PITPNC1: variants seen among roughly 807,000 people sequenced by gnomAD.
PITPNC1 encodes the protein phosphatidylinositol transfer protein cytoplasmic 1.
In PITPNC1, 18 loss-of-function variants were observed where a neutral mutation model predicts 44.7. The observed-to-expected ratio is 0.40, with a 90% CI of 0.28 to 0.60. The LOEUF is 0.60. PITPNC1 is among the 20% of genes least tolerant of loss of function. PITPNC1 has a pLI of 0.39. For synonymous variants in PITPNC1, 141 were observed against 149.6 expected (o/e 0.94, Z 0.42); for missense variants, 290 against 418.4 (o/e 0.69, Z 2.68).
At chr17:67,659,175 T>C (rs1448169762) in intron 6 of PITPNC1, among the ~76,000 whole-genome samples, 1 of 152,198 alleles carries the variant, frequency 6.6e-6, no homozygotes, top group Admixed American at 6.5e-5. Context: ...TGTTTTATAA[T>C]ATGCTTGATG....
chr17:67,445,488 C>G (rs2039081338), intron 1 of PITPNC1, among the ~76,000 whole-genome samples: 1 of 152,000 alleles, frequency 6.6e-6, no homozygotes, highest in Non-Finnish European at 1.5e-5. Context: ...GGAGTAAAGG[C>G]CAGTGGTAAT....
chr17:67,457,867 A>G (rs972162031), intron 1 of PITPNC1: 2 of 152,112 alleles, frequency 1.3e-5, no homozygotes, highest in African/African-American at 4.8e-5. Context: ...CTTCTCCTTC[A>G]CTGGGGCAGC....
chr17:67,400,579 C>T (rs1442541113), intron 1 of PITPNC1, among the ~76,000 whole-genome samples: 1 of 152,046 alleles, frequency 6.6e-6, no homozygotes, highest in African/African-American at 2.4e-5. Context: ...CAAGTAGTGC[C>T]GTGCTGATTT....
At chr17:67,425,097 C>G (rs907043308) in intron 1 of PITPNC1, among the ~76,000 whole-genome samples, 3 of 151,936 alleles carry the variant, frequency 2.0e-5, no homozygotes, top group Non-Finnish European at 4.4e-5. Context: ...ATCCCAAAAC[C>G]TGTAAGAACT....
At position 67,508,187 on chromosome 17, in the gene PITPNC1, G is replaced by C. The variant is rs921549081; in HGVS notation, c.49-24615G>C. On this transcript the variant is annotated intron_variant, in intron 1 of 8. Transcript: ENST00000581322. The surrounding 1 kb of genome is among the most constrained non-coding windows in gnomAD (Gnocchi z 4.2). ...GGGCCCTGATCCAGACCCCAAGAGA[G>C]GGTTCTTGGATCTCAAGGAAGAAAG... Among the ~76,000 whole-genome samples the C allele has an allele frequency of 1.3e-5, 2 of 152,178 alleles. No individual in the cohort carries two copies. The highest frequency in any genetic ancestry group is 2.4e-5 in the African/African-American group (1 of 41,440).
At position 67,692,843 on chromosome 17, in the gene PITPNC1, C is replaced by G. The variant is rs770803677; in HGVS notation, c.954C>G (p.Pro318=). 23 of 1,613,312 alleles carry G rather than the reference C, an allele frequency of 1.4e-5. No individual in the cohort carries two copies. The highest frequency in any genetic ancestry group is 1.6e-4 in the Middle Eastern group (1 of 6,084). Residue 318 remains proline (P), a synonymous_variant, in exon 9 of 9, where the codon CCC becomes CCG. Transcript: ENST00000581322. ...AGAAAAAAGCCACCCTGAATTTACC[C>G]GGCATGCACTCTTCAGATAAGCCAT... The part of the protein sequence containing the change: ...DPEKKATLNL[P]GMHSSDKPCR...
intron 6 of PITPNC1, among the ~76,000 whole-genome samples, chr17:67,668,659 C>T (rs375236402): frequency 1.3e-5 from 2 of 152,024 alleles, no homozygotes; most frequent in South Asian, 4.2e-4. Flanking sequence ...GTCAGGAGAT[C>T]GAGACCATCC....
rs570425568 is a variant in PITPNC1 at position 67,417,419 on chromosome 17, C to T, written c.48+39217C>T. Among the ~76,000 whole-genome samples, 8 of 152,244 alleles carry T rather than the reference C, an allele frequency of 5.3e-5. No homozygotes were observed. The South Asian group carries it at 1.5e-3, about 28-fold the overall frequency. ...TGCTGAGATTACAGGTGTGAGCAGC[C>T]ACACCAGGTCCACATTCAGCACCCT... On this transcript the variant is annotated intron_variant, in intron 1 of 8. Coordinates refer to ENST00000581322, the MANE Select transcript of PITPNC1 (RefSeq NM_012417.4).
chr17:67,674,501 C>CAAA (rs66932178), intron 7 of PITPNC1, among the ~76,000 whole-genome samples: 1 of 111,612 alleles, frequency 9.0e-6, no homozygotes, highest in Non-Finnish European at 1.8e-5. Context: ...AAGACTGTCT[C>CAAA]AAAAAAAAAA....
rs567163720 is a variant in PITPNC1 at position 67,549,676 on chromosome 17, G to A, written c.198-2581G>A. ...TAAATTGCTATAGGAAATGAATTAC[G>A]GGGCGAGGAGGTACTTGGGCCCCGG... is the stretch of plus-strand genomic sequence containing the variant. On this transcript the variant is annotated intron_variant, in intron 2 of 8. Transcript: ENST00000581322. Among the ~76,000 whole-genome samples, 5 of 152,152 alleles carry A rather than the reference G, an allele frequency of 3.3e-5. No individual in the cohort carries two copies. The South Asian group carries it at 1.0e-3, about 32-fold the overall frequency.
chr17:67,512,518 A>C (rs1248834701), intron 1 of PITPNC1, among the ~76,000 whole-genome samples: 1 of 151,528 alleles, frequency 6.6e-6, no homozygotes, highest in East Asian at 1.9e-4. Context: ...AAAAAAAAAA[A>C]AAAAACAGCT....
intron 5 of PITPNC1, among the ~76,000 whole-genome samples, chr17:67,614,498 C>T (rs570086877): frequency 1.3e-5 from 2 of 151,714 alleles, no homozygotes; most frequent in African/African-American, 4.8e-5. Context: ...ATAGTGAAAC[C>T]GCATCTCTAC....
At chr17:67,421,234 T>A (rs1385382582) in intron 1 of PITPNC1, among the ~76,000 whole-genome samples, 1 of 152,168 alleles carries the variant, frequency 6.6e-6, no homozygotes, top group Admixed American at 6.6e-5. Flanking sequence ...AAGACGGATG[T>A]CTTTTGTCTT....
chr17:67,464,919 A>G (rs2059975892), intron 1 of PITPNC1, among the ~76,000 whole-genome samples: 1 of 152,070 alleles, frequency 6.6e-6, no homozygotes, highest in South Asian at 2.1e-4. Flanking sequence ...TTTGAATTTT[A>G]TTAGAGATGG....
At chr17:67,648,995 T>C (rs1243262087) in intron 6 of PITPNC1, among the ~76,000 whole-genome samples, 1 of 152,022 alleles carries the variant, frequency 6.6e-6, no homozygotes, top group African/African-American at 2.4e-5. Context: ...CTACAAAATA[T>C]TTTTAAAAAT....
intron 1 of PITPNC1, among the ~76,000 whole-genome samples, chr17:67,454,820 CTTT>C (rs35832239): frequency 1.3e-4 from 16 of 127,868 alleles, no homozygotes; most frequent in Admixed American, 1.6e-4. Flanking sequence ...TTTTATTTTC[CTTT>C]TTTTTTTTTT....
chr17:67,683,138 G>T (rs1010311417), intron 8 of PITPNC1, among the ~76,000 whole-genome samples: 11 of 142,138 alleles, frequency 7.7e-5, no homozygotes, highest in African/African-American at 3.0e-4. Context: ...CTCCAGCCCG[G>T]GTGACAAGAG....
At chr17:67,674,092 C>T (rs887088656) in intron 7 of PITPNC1, among the ~76,000 whole-genome samples, 1 of 151,600 alleles carries the variant, frequency 6.6e-6, no homozygotes, top group Non-Finnish European at 1.5e-5. Context: ...TTTCATAAGG[C>T]CTGCAATGTG....
rs1289910584 is a variant in PITPNC1 at position 67,677,654 on chromosome 17, G to A, written c.682+2112G>A. ...ACAATCTCGGCTCACTGCAACCTCC[G>A]CCTCCCAGGTTCAAGCGATTCTCCT... On this transcript the variant is annotated intron_variant, in intron 8 of 8. Coordinates refer to ENST00000581322, the MANE Select transcript of PITPNC1 (RefSeq NM_012417.4). Among the ~76,000 whole-genome samples, 3 of 151,150 alleles carry A rather than the reference G, an allele frequency of 2.0e-5. No homozygotes were observed. The East Asian group carries it at 5.8e-4, about 29-fold the overall frequency.
Sources: allele counts gnomAD v4.1 joint callset (sites outside exome capture counted in the v4.1 genomes callset), GRCh38; gene constraint gnomAD v4.1.1; non-coding constraint Gnocchi (gnomAD v3.1); transcripts MANE v1.5; gene names NCBI Gene and HGNC (gene_info 2026-07-23, HGNC 2026-07-21).